The following NRXN3 variants were observed in gnomAD, a reference collection of about 807,000 sequenced individuals.
The protein encoded by NRXN3 is neurexin III.
A neutral mutation model predicts 137.6 loss-of-function variants in NRXN3; 32 were observed. The observed-to-expected ratio is 0.23, with a 90% CI of 0.18 to 0.31. The LOEUF is 0.31. NRXN3 is among the 10% of genes least tolerant of loss of function. The probability of loss-of-function intolerance (pLI) is 1.00; values close to 1 mark genes in which losing one functional copy is unlikely to be tolerated. For missense variants in NRXN3, 1,574 were observed against 2,062.5 expected (o/e 0.76, Z 4.59); for synonymous variants, 798 against 784.5 (o/e 1.02, Z -0.29).
intron 15 of NRXN3, among the ~76,000 whole-genome samples, chr14:79,175,127 C>T (rs766168362): frequency 6.6e-5 from 10 of 151,798 alleles, no homozygotes; most frequent in Non-Finnish European, 7.4e-5. Flanking sequence ...ACTACAGGCG[C>T]CCACCACCAT....
At chr14:78,270,788 C>T (rs61976007) in intron 2 of NRXN3, among the ~76,000 whole-genome samples, 6,352 of 152,316 alleles carry the variant, frequency 0.042, 180 homozygotes, top group Middle Eastern at 0.076. Flanking sequence ...AGTTCTGTTA[C>T]AACACTTGTT....
intron 15 of NRXN3, among the ~76,000 whole-genome samples, chr14:79,250,985 G>A (rs935252297): frequency 6.6e-6 from 1 of 152,208 alleles, no homozygotes; most frequent in Non-Finnish European, 1.5e-5. Flanking sequence ...GACATCAGGT[G>A]TGTTCAGGGA....
At chr14:79,528,869 T>C (rs2097144940) in intron 16 of NRXN3, among the ~76,000 whole-genome samples, 1 of 152,122 alleles carries the variant, frequency 6.6e-6, no homozygotes, top group Non-Finnish European at 1.5e-5. Context: ...AAAAGTATGA[T>C]TTGGTTTCAC....
At chr14:79,667,624 G>A (rs539964687) in intron 17 of NRXN3, among the ~76,000 whole-genome samples, 1 of 152,100 alleles carries the variant, frequency 6.6e-6, no homozygotes, top group African/African-American at 2.4e-5. Flanking sequence ...CTAAATTCTG[G>A]GAGGTAGAAC....
chr14:78,869,100 A>G (rs2099094991), intron 10 of NRXN3, among the ~76,000 whole-genome samples: 1 of 152,174 alleles, frequency 6.6e-6, no homozygotes, highest in South Asian at 2.1e-4. Flanking sequence ...CCTAGGATAG[A>G]CAAAAAGAAA....
At chr14:79,444,332 CT>C (rs1411744980) in intron 15 of NRXN3, among the ~76,000 whole-genome samples, 3 of 152,140 alleles carry the variant, frequency 2.0e-5, no homozygotes, top group Non-Finnish European at 4.4e-5. Context: ...GAGTGACTTA[CT>C]TTTGGTATTC....
At chr14:78,514,224 A>C (rs2096164167) in intron 4 of NRXN3, among the ~76,000 whole-genome samples, 1 of 152,194 alleles carries the variant, frequency 6.6e-6, no homozygotes. Context: ...AGTTGTATAT[A>C]GTATAACATT....
At chr14:79,515,237 G>T (rs2153694975) in intron 16 of NRXN3, among the ~76,000 whole-genome samples, 1 of 150,636 alleles carries the variant, frequency 6.6e-6, no homozygotes, top group South Asian at 2.1e-4. Context: ...TGAGGCATAG[G>T]GAAAAGGTGG....
chr14:78,389,056 C>T (rs1598118067), intron 4 of NRXN3, among the ~76,000 whole-genome samples: 2 of 135,610 alleles, frequency 1.5e-5, no homozygotes. Context: ...GTTTAAGTTT[C>T]TTTTTTTTTT....
intron 4 of NRXN3, among the ~76,000 whole-genome samples, chr14:78,420,807 C>G (rs1161999814): frequency 6.6e-6 from 1 of 152,202 alleles, no homozygotes; most frequent in Non-Finnish European, 1.5e-5. Flanking sequence ...ACTGGTGGCT[C>G]TGACTTCGTT....
chr14:79,000,995 T>A (rs187403960), intron 15 of NRXN3, among the ~76,000 whole-genome samples: 1 of 152,190 alleles, frequency 6.6e-6, no homozygotes, highest in Non-Finnish European at 1.5e-5. Context: ...AACACAGCTA[T>A]AACCAAATTT....
At chr14:79,418,719 G>A (rs1029277369) in intron 15 of NRXN3, among the ~76,000 whole-genome samples, 11 of 152,104 alleles carry the variant, frequency 7.2e-5, no homozygotes, top group Admixed American at 3.3e-4. Flanking sequence ...AAGGACCCTC[G>A]TGGCAGTAGA....
At chr14:79,746,852 G>A (rs891469819) in intron 19 of NRXN3, among the ~76,000 whole-genome samples, 1 of 148,644 alleles carries the variant, frequency 6.7e-6, no homozygotes, top group Non-Finnish European at 1.5e-5. Context: ...ACTTCTTAAA[G>A]AACCCCTAAA....
intron 14 of NRXN3, among the ~76,000 whole-genome samples, chr14:78,982,987 C>T (rs2099493232): frequency 6.6e-6 from 1 of 152,078 alleles, no homozygotes. Flanking sequence ...TCTAACTAGA[C>T]ACTTCTTAAA....
intron 16 of NRXN3, among the ~76,000 whole-genome samples, chr14:79,625,439 G>A (rs2098271773): frequency 1.3e-5 from 2 of 152,042 alleles, no homozygotes; most frequent in African/African-American, 4.8e-5. Flanking sequence ...ATCTCTATGG[G>A]GTGCTTATTT....
intron 15 of NRXN3, among the ~76,000 whole-genome samples, chr14:79,355,028 G>C (rs1185734700): frequency 6.6e-6 from 1 of 152,114 alleles, no homozygotes; most frequent in Non-Finnish European, 1.5e-5. Context: ...ATATTTTTTG[G>C]ATGGTTTTTT....
At chr14:78,578,027 C>T (rs966027045) in intron 4 of NRXN3, among the ~76,000 whole-genome samples, 2 of 152,146 alleles carry the variant, frequency 1.3e-5, no homozygotes, top group African/African-American at 4.8e-5. Context: ...ATTGAGTCAT[C>T]TAAGTCAGCT....
chr14:79,153,790 T>A lies in NRXN3; in HGVS notation c.3262+165649T>A, dbSNP rs569944748. ...AACCCATTCTCCTTAATGCATTTTT[T>A]AAATTTATCCAGTATTTGAAATGCA... is the stretch of plus-strand genomic sequence containing the variant. On this transcript the variant is annotated intron_variant, in intron 15 of 20. Coordinates refer to ENST00000335750, the MANE Select transcript of NRXN3 (RefSeq NM_001330195.2). 9.9e-5 allele frequency among the ~76,000 whole-genome samples: 15 copies of A among 152,132 alleles called. No homozygotes were observed. In the East Asian group the frequency reaches 2.1e-3, roughly 22 times the overall value.
At chr14:78,768,581 T>C (rs913040418) in intron 8 of NRXN3, among the ~76,000 whole-genome samples, 5 of 152,162 alleles carry the variant, frequency 3.3e-5, no homozygotes, top group African/African-American at 1.2e-4. Context: ...AGAAAAGATA[T>C]GTACATCTAT....
Sources: gnomAD v4.1 joint callset for allele counts (sites outside exome capture counted in the v4.1 genomes callset) on GRCh38, gnomAD v4.1.1 for gene constraint, MANE v1.5 for transcripts, NCBI Gene and HGNC (gene_info 2026-07-23, HGNC 2026-07-21) for gene names.